Variants in MAP3K14 observed in about 807,000 individuals in gnomAD.
MAP3K14 encodes NF-kappa-beta-inducing kinase.
Under a neutral mutation model 99.2 loss-of-function variants are expected in MAP3K14, and 16 were observed. The observed-to-expected ratio is 0.16, with a 90% CI of 0.11 to 0.24. The LOEUF is 0.24. Ranked by LOEUF, MAP3K14 falls within the 10% of genes least tolerant of loss-of-function variation. The probability of loss-of-function intolerance (pLI) is 1.00; values close to 1 mark genes in which losing one functional copy is unlikely to be tolerated. For synonymous variants in MAP3K14, 462 were observed against 492.4 expected (o/e 0.94, Z 0.82); for missense variants, 784 against 1,208.7 (o/e 0.65, Z 5.21).
chr17:45,310,676 G>A (rs374957114), intron 1 of MAP3K14, among the ~76,000 whole-genome samples: 9 of 152,120 alleles, frequency 5.9e-5, no homozygotes, highest in East Asian at 1.9e-4. Context: ...GAAGAGCTTC[G>A]TGCACTGTGG....
intron 1 of MAP3K14, among the ~76,000 whole-genome samples, chr17:45,307,150 C>A (rs893628135): frequency 6.6e-6 from 1 of 151,828 alleles, no homozygotes; most frequent in African/African-American, 2.4e-5. Flanking sequence ...CCCAGCTACT[C>A]GGGAGGCTGA....
At chr17:45,311,097 T>A (rs1388714667) in intron 1 of MAP3K14, among the ~76,000 whole-genome samples, 2 of 152,242 alleles carry the variant, frequency 1.3e-5, no homozygotes, top group Admixed American at 6.5e-5. Context: ...TAGTTCAGGC[T>A]CTGCCATTAA....
At position 45,264,658 on chromosome 17, in the gene MAP3K14, C is replaced by A; in HGVS notation, c.2822G>T (p.Gly941Val). 6.3e-7 allele frequency: 1 copy of A among 1,588,648 alleles called. No individual in the cohort carries two copies. Among genetic ancestry groups the A allele is most frequent in the Admixed American group, 1.8e-5 (1 of 56,032 alleles). ...GGGTTAGGGCCTGTTCTCCAGCTGG[C>A]CATGCTTGACCCTCCAGCTCCAGGC... The part of the protein sequence containing the change: ...SFAWSWRVKH[G>V]QLENRP Residue 941 changes from glycine (G) to valine (V), a missense_variant, in exon 16 of 16, where the codon GGC becomes GTC. Transcript: ENST00000344686.
At chr17:45,312,813 A>G (rs2044492862) in intron 1 of MAP3K14, among the ~76,000 whole-genome samples, 1 of 152,196 alleles carries the variant, frequency 6.6e-6, no homozygotes, top group Non-Finnish European at 1.5e-5. Context: ...ACGAGGGGGA[A>G]AGGGTGGTGA....
chr17:45,306,412 A>G (rs1358931671), intron 1 of MAP3K14, among the ~76,000 whole-genome samples: 1 of 149,480 alleles, frequency 6.7e-6, no homozygotes, highest in African/African-American at 2.6e-5. Flanking sequence ...GGGAGGAAGC[A>G]CCTTAATTAG....
rs1163434420 is a variant in MAP3K14 at position 45,272,769 on chromosome 17, G to A, written c.1657+734C>T. 1.3e-5 allele frequency among the ~76,000 whole-genome samples: 2 copies of A among 152,090 alleles called. No individual in the cohort carries two copies. The highest frequency in any genetic ancestry group is 2.9e-5 in the Non-Finnish European group (2 of 68,016). On this transcript the variant is annotated intron_variant, in intron 9 of 15. Coordinates refer to ENST00000344686, the MANE Select transcript of MAP3K14 (RefSeq NM_003954.5). This position sits in a 1 kb window ranked among gnomAD's most constrained non-coding sequence, Gnocchi z 4.1. ...GGCCTGGCCAATATGGCAAAACCCCGTCCCTACTAAAAATACAAAAATTAG... is the reference window on the plus strand; with the variant it reads ...GGCCTGGCCAATATGGCAAAACCCCATCCCTACTAAAAATACAAAAATTAG...
chr17:45,273,564 G>A lies in MAP3K14; in HGVS notation c.1596C>T (p.Leu532=), dbSNP rs2044156087. 5 of 1,613,562 alleles carry A rather than the reference G, an allele frequency of 3.1e-6. No homozygotes were observed. The highest frequency in any genetic ancestry group is 1.1e-5 in the South Asian group (1 of 90,966). Residue 532 remains leucine, a synonymous_variant, in exon 9 of 16, where the codon CTC becomes CTT. Transcript: ENST00000344686. Reference sequence around the variant, plus strand: ...GACACACAGCATGGCCAAAGTCACAGAGGGCTGCGTGGCTCCCATCGCTGG... The same window carrying A: ...GACACACAGCATGGCCAAAGTCACAAAGGGCTGCGTGGCTCCCATCGCTGG... ...LLSSDGSHAA[L]CDFGHAVCLQ...
chr17:45,266,545 T>C lies in MAP3K14; in HGVS notation c.2570A>G (p.Tyr857Cys). The C allele has an allele frequency of 6.2e-7, 1 of 1,612,196 alleles. No homozygotes were observed. Among genetic ancestry groups the C allele is most frequent in the Non-Finnish European group, 8.5e-7 (1 of 1,179,156 alleles). The change falls in exon 14 of 16, where the codon TAT becomes TGT. Residue 857 changes from tyrosine (Y) to cysteine (C), a missense_variant. Transcript: ENST00000344686. ...TGGGAATTGGACTGTACCATTGAAA[T>C]AGCTTGGGGTGTCGGTGGGCCGCCC... ...ARGRPTDTPS[Y>C]FNGVKVQIQS...
chr17:45,287,355 C>T lies in MAP3K14; in HGVS notation c.336G>A (p.Glu112=). Residue 112 remains glutamate, a synonymous_variant, in exon 4 of 16, where the codon GAG becomes GAA. Coordinates refer to ENST00000344686, the MANE Select transcript of MAP3K14 (RefSeq NM_003954.5). ...CATTGTTGGGGATCTGATCAAGACT[C>T]TCGGACTGGCTGTCACAAAAGGGAC... is the stretch of plus-strand genomic sequence containing the variant. ...IAGSKQYSQS[E]SLDQIPNNVA... is the part of the protein sequence containing the mutation. 1 of 1,613,960 alleles carries T rather than the reference C, an allele frequency of 6.2e-7. No individual in the cohort carries two copies. Among genetic ancestry groups the T allele is most frequent in the Non-Finnish European group, 8.5e-7 (1 of 1,179,854 alleles).
At chr17:45,297,599 G>T (rs1357451076) in intron 1 of MAP3K14, among the ~76,000 whole-genome samples, 1 of 151,988 alleles carries the variant, frequency 6.6e-6, no homozygotes, top group African/African-American at 2.4e-5. Context: ...AACCACTGAA[G>T]GATGTACTTT....
chr17:45,267,382 C>A lies in MAP3K14; in HGVS notation c.2326+24G>T, dbSNP rs1410897827. 6.4e-7 allele frequency: 1 copy of A among 1,558,266 alleles called. No individual in the cohort carries two copies. The highest frequency in any genetic ancestry group is 2.4e-5 in the East Asian group (1 of 42,070). ...GGCCCAGGGCCAGTGCTCAGGGCCC[C>A]ACTGCAGCCACGGCTGCCCGTACCT... is the stretch of plus-strand genomic sequence containing the variant. On this transcript the variant is annotated intron_variant, in intron 12 of 15. Transcript: ENST00000344686. The surrounding 1 kb of genome is among the most constrained non-coding windows in gnomAD (Gnocchi z 5.1).
At chr17:45,285,027 C>G (rs1402351973) in intron 5 of MAP3K14, 78 bp from the exon 6 acceptor site, 1 of 1,470,596 alleles carries the variant, frequency 6.8e-7, no homozygotes, top group Non-Finnish European at 9.2e-7. Flanking sequence ...GAGGAAGACT[C>G]TCCAGCTGGT....
chr17:45,301,829 TTC>T (rs1352925696), intron 1 of MAP3K14, among the ~76,000 whole-genome samples: 4 of 147,566 alleles, frequency 2.7e-5, no homozygotes, highest in Non-Finnish European at 4.5e-5. Flanking sequence ...GTTTTCTCAG[TTC>T]TCTTTTTTTT....
At chr17:45,296,274 C>T (rs1424048524) in intron 1 of MAP3K14, among the ~76,000 whole-genome samples, 1 of 152,086 alleles carries the variant, frequency 6.6e-6, no homozygotes, top group Non-Finnish European at 1.5e-5. Flanking sequence ...CCTGTAATCT[C>T]AGCACTTTGG....
intron 6 of MAP3K14, chr17:45,282,006 A>G (rs908141923): frequency 2.0e-5 from 3 of 152,152 alleles, no homozygotes; most frequent in Non-Finnish European, 4.4e-5. Context: ...AATGATACCA[A>G]AAAAAGCAAA....
At chr17:45,313,541 G>T (rs1383153969) in intron 1 of MAP3K14, among the ~76,000 whole-genome samples, 1 of 152,142 alleles carries the variant, frequency 6.6e-6, no homozygotes, top group Non-Finnish European at 1.5e-5. Context: ...CCTGACCCAG[G>T]TCTCTCTGAC....
chr17:45,266,423 C>T, intron 14 of MAP3K14, 114 bp downstream of exon 14: 1 of 1,389,940 alleles, frequency 7.2e-7, no homozygotes. Context: ...GACCAGGCGC[C>T]TTCCTCCCTC....
chr17:45,264,605 G>A lies in MAP3K14; in HGVS notation c.*31C>T, dbSNP rs368744466. ...TGCACCGAGCAGGAAGGCTGCTTCC[G>A]GCAGTGTGGAGCCGGCGGTGGAGGG... is the stretch of plus-strand genomic sequence containing the variant. On this transcript the variant is annotated 3_prime_UTR_variant, in exon 16 of 16. Transcript: ENST00000344686. 647 of 1,542,878 alleles carry A rather than the reference G, an allele frequency of 4.2e-4. 4 individuals carry two copies. In the African/African-American group the frequency reaches 6.6e-3, roughly 16 times the overall value.
intron 1 of MAP3K14, among the ~76,000 whole-genome samples, chr17:45,305,995 G>T (rs2044427406): frequency 6.6e-6 from 1 of 152,188 alleles, no homozygotes; most frequent in Admixed American, 6.5e-5. Context: ...GTTGTCCTGT[G>T]GTCATCTTTG....
Sources: allele counts gnomAD v4.1 joint callset (sites outside exome capture counted in the v4.1 genomes callset), GRCh38; gene constraint gnomAD v4.1.1; non-coding constraint Gnocchi (gnomAD v3.1); transcripts MANE v1.5; gene names NCBI Gene and HGNC (gene_info 2026-07-23, HGNC 2026-07-21).